PRPF39: variants seen among roughly 807,000 people sequenced by gnomAD.
PRPF39 encodes the protein pre-mRNA processing factor 39, also known as pre-mRNA-processing factor 39.
Under a neutral mutation model 82.1 loss-of-function variants are expected in PRPF39, and 27 were observed. That is an observed-to-expected ratio of 0.33 (90% CI 0.24 to 0.45). The LOEUF is 0.45. Among genes scored for constraint, PRPF39 ranks in the 20% least tolerant of loss-of-function variants. The pLI, the probability that PRPF39 is intolerant of heterozygous loss-of-function variation, is 1.00. For synonymous variants in PRPF39, 261 were observed against 256.4 expected, an observed-to-expected ratio of 1.02 and a Z score of -0.17; for missense variants, 581 against 796.9, an observed-to-expected ratio of 0.73 and a Z score of 3.26.
At chr14:45,089,670 T>C (rs554322616) in intron 1 of PRPF39, among the ~76,000 whole-genome samples, 1 of 152,344 alleles carries the variant, frequency 6.6e-6, no homozygotes, top group Non-Finnish European at 1.5e-5. Context: ...CCTCCCAAAG[T>C]GCTGAGATTA....
intron 7 of PRPF39, among the ~76,000 whole-genome samples, chr14:45,109,127 G>A (rs1884626669): frequency 1.3e-5 from 2 of 152,116 alleles, no homozygotes; most frequent in African/African-American, 4.8e-5. Flanking sequence ...TTTTGTTTCT[G>A]TAGATTTCCC....
intron 4 of PRPF39, among the ~76,000 whole-genome samples, chr14:45,098,762 A>G (rs570069674): frequency 6.6e-6 from 1 of 152,142 alleles, no homozygotes; most frequent in East Asian, 1.9e-4. Flanking sequence ...GCTGTACAAG[A>G]GTTGTCTTGG....
chr14:45,104,428 TTTG>T (rs1187226456), intron 5 of PRPF39, among the ~76,000 whole-genome samples: 4 of 152,116 alleles, frequency 2.6e-5, no homozygotes, highest in Admixed American at 1.3e-4. Context: ...CACTGAATGT[TTTG>T]TTTTTTTTTT....
rs1240368854 is a variant in PRPF39 at position 45,110,532 on chromosome 14, T to A, written c.1304-17T>A. ...GTTGTTTAAACCAAAGCATAAACAT[T>A]TAATTACTGTTTCTAGGTAATATTA... On this transcript the variant is annotated splice_polypyrimidine_tract_variant and intron_variant, in intron 9 of 13. Coordinates refer to ENST00000355765, the MANE Select transcript of PRPF39 (RefSeq NM_017922.4). The surrounding 1 kb of genome is among the most constrained non-coding windows in gnomAD (Gnocchi z 4.0). 6.5e-7 allele frequency: 1 copy of A among 1,546,668 alleles called. No individual in the cohort carries two copies. Among genetic ancestry groups the A allele is most frequent in the Non-Finnish European group, 8.8e-7 (1 of 1,142,812 alleles).
In PRPF39 at chr14:45,095,572, C is replaced by T. The variant is rs1594726711; in HGVS notation, c.324+9C>T. ...AATATGTAGAACAGGAGGTTAGTAA[C>T]TATTAAAATGGTATCAGAAGGGACA... On this transcript the variant is annotated intron_variant, in intron 2 of 13. Transcript: ENST00000355765. 1 of 1,570,068 alleles carries T rather than the reference C, an allele frequency of 6.4e-7. No homozygotes were observed. Among genetic ancestry groups the T allele is most frequent in the East Asian group, 2.3e-5 (1 of 43,750 alleles).
intron 1 of PRPF39, among the ~76,000 whole-genome samples, chr14:45,087,691 A>T (rs1883879316): frequency 6.6e-6 from 1 of 150,604 alleles, no homozygotes; most frequent in Admixed American, 6.6e-5. Context: ...CTCCTACCTC[A>T]GCCTCCTGAG....
At position 45,095,502 on chromosome 14, in the gene PRPF39, T is replaced by C; in HGVS notation, c.263T>C (p.Val88Ala). 1 of 1,613,380 alleles carries C rather than the reference T, an allele frequency of 6.2e-7. No individual in the cohort carries two copies. Among genetic ancestry groups the C allele is most frequent in the Non-Finnish European group, 8.5e-7 (1 of 1,179,582 alleles). Reference sequence around the variant, plus strand: ...GAATATGAAAAATTTTGGAAAACTGTAGAAAATAATCCTCAGGATTTTACA... The same window carrying C: ...GAATATGAAAAATTTTGGAAAACTGCAGAAAATAATCCTCAGGATTTTACA... The part of the protein sequence containing the change: ...PPEYEKFWKT[V>A]ENNPQDFTGW... Residue 88 changes from valine to alanine, a missense_variant, in exon 2 of 14, where the codon GTA (valine) becomes GCA (alanine). Val to Ala is a moderately conservative substitution (Grantham distance 64). Transcript: ENST00000355765.
Position 45,096,893 on chromosome 14 carries a change from C to T in PRPF39, c.457C>T (p.Arg153Trp), listed in dbSNP as rs886916918. Reference sequence around the variant, plus strand: ...TTTGCTGTTTTCTTCTTAGGTTTATCGGCGGGGGCTTCAGGCAATACCTCT... The same window carrying T: ...TTTGCTGTTTTCTTCTTAGGTTTATTGGCGGGGGCTTCAGGCAATACCTCT... ...DNIKPSDEVY[R>W]RGLQAIPLSV... Residue 153 changes from arginine to tryptophan, a missense_variant, in exon 4 of 14, where the codon CGG becomes TGG. Arg to Trp is a moderately radical substitution (Grantham distance 101). Transcript: ENST00000355765. 4 of 1,533,700 alleles carry T rather than the reference C, an allele frequency of 2.6e-6. No homozygotes were observed. The highest frequency in any genetic ancestry group is 2.5e-5 in the South Asian group (2 of 80,446).
At chr14:45,090,093 GTC>G (rs557392311) in intron 1 of PRPF39, among the ~76,000 whole-genome samples, 1 of 152,186 alleles carries the variant, frequency 6.6e-6, no homozygotes, top group Non-Finnish European at 1.5e-5. Context: ...TCAGCCTACA[GTC>G]TTTTTTGTAT....
intron 7 of PRPF39, 56 bp from the exon 8 acceptor site, chr14:45,109,560 T>C: frequency 1.4e-6 from 2 of 1,436,472 alleles, no homozygotes; most frequent in Non-Finnish European, 1.9e-6. Flanking sequence ...ACTGTACATG[T>C]GCATATTTTG....
intron 4 of PRPF39, among the ~76,000 whole-genome samples, chr14:45,100,719 A>T (rs965557162): frequency 6.6e-6 from 1 of 152,160 alleles, no homozygotes; most frequent in African/African-American, 2.4e-5. Context: ...ATGCTCTTCA[A>T]TCTTTTATTT....
chr14:45,094,123 T>TA (rs1487090558), intron 1 of PRPF39, among the ~76,000 whole-genome samples: 5 of 152,232 alleles, frequency 3.3e-5, no homozygotes, highest in East Asian at 3.9e-4. Context: ...ATTAATATAT[T>TA]AAGTAGTAGT....
In PRPF39 at chr14:45,114,355, ATACTT is replaced by A; in HGVS notation, c.1832+101_1832+105del. 46 of 1,349,794 alleles carry A rather than the reference ATACTT, an allele frequency of 3.4e-5. 2 individuals are homozygous for A. In the South Asian group the frequency reaches 6.4e-4, roughly 19 times the overall value. The allele number at this position is 1,349,794 out of a possible 1,614,324, so 83.6% of individuals were successfully genotyped here. A position where few individuals can be genotyped will look rare whatever the true frequency, so the allele number is the denominator to read the frequency against. On this transcript the variant is annotated intron_variant, in intron 12 of 13. Transcript: ENST00000355765. ...GTGTTACTTTTATGTTGTAATTTAC[ATACTT>A]TATTTTCATGATTTGAAAAAGTCTT...
At position 45,110,927 on chromosome 14, in the gene PRPF39, T is replaced by C. The variant is rs1321782140; in HGVS notation, c.1572+110T>C. On this transcript the variant is annotated intron_variant, in intron 10 of 13. Transcript: ENST00000355765. This position sits in a 1 kb window ranked among gnomAD's most constrained non-coding sequence, Gnocchi z 4.0. ...TTTGGTCTGTATGTAATAGATTTTA[T>C]TACTAAATGAGGACAACAGTCCCTC... 2.8e-6 allele frequency: 3 copies of C among 1,088,732 alleles called. No individual in the cohort carries two copies. The highest frequency in any genetic ancestry group is 3.9e-6 in the Non-Finnish European group (3 of 777,812). 67.4% of individuals were successfully genotyped at this position (1,088,732 alleles called of 1,614,324 possible).
intron 5 of PRPF39, 107 bp downstream of exon 5, chr14:45,102,803 A>C: frequency 8.9e-7 from 1 of 1,126,090 alleles, no homozygotes; most frequent in Non-Finnish European, 1.2e-6. Flanking sequence ...TATTATGTGG[A>C]AAGAGGAATA....
chr14:45,114,700 G>T, intron 13 of PRPF39, 86 bp downstream of exon 13: 1 of 1,481,780 alleles, frequency 6.7e-7, no homozygotes, highest in South Asian at 1.3e-5. Context: ...AAAAGTTTTT[G>T]TTCCAATTGT....
chr14:45,093,586 A>C (rs1884108412), intron 1 of PRPF39, among the ~76,000 whole-genome samples: 3 of 116,044 alleles, frequency 2.6e-5, no homozygotes, highest in Non-Finnish European at 3.5e-5. Context: ...ACGGAGTTTC[A>C]CTCTTGTTGC....
chr14:45,107,413 A>G (rs1884568891), intron 5 of PRPF39, 38 bp from the exon 6 acceptor site: 1 of 1,407,986 alleles, frequency 7.1e-7, no homozygotes, highest in Non-Finnish European at 9.7e-7. Context: ...ATCTAAAATT[A>G]TGATTCAAAT....
rs375188007 is a variant in PRPF39, at chr14:45,095,288, A to G, written c.49A>G (p.Thr17Ala). The part of the protein sequence containing the change: ...DEYRNSSNGS[T>A]GNSSEVVVEH... ...ATACAGAAATTCTAGTAATGGCAGC[A>G]CAGGCAACAGTTCAGAGGTAGTGGT... Residue 17 changes from threonine (T) to alanine (A), a missense_variant, in exon 2 of 14, where the codon ACA becomes GCA. By Grantham distance (58) the Thr-to-Ala change is moderately conservative. Transcript: ENST00000355765. 2 of 1,611,244 alleles carry G rather than the reference A, an allele frequency of 1.2e-6. No individual in the cohort carries two copies. The highest frequency in any genetic ancestry group is 2.7e-5 in the African/African-American group (2 of 74,892).
Sources: allele counts gnomAD v4.1 joint callset (sites outside exome capture counted in the v4.1 genomes callset), GRCh38; gene constraint gnomAD v4.1.1; non-coding constraint Gnocchi (gnomAD v3.1); transcripts MANE v1.5; gene names NCBI Gene and HGNC (gene_info 2026-07-23, HGNC 2026-07-21).